ATP8B2: variants seen among roughly 807,000 people sequenced by gnomAD.
The protein encoded by ATP8B2 is phospholipid-transporting ATPase ID.
A neutral mutation model predicts 133.4 loss-of-function variants in ATP8B2; 70 were observed. The observed-to-expected ratio is 0.52, with a 90% CI of 0.43 to 0.64. ATP8B2 has a LOEUF of 0.64. Ranked by LOEUF, ATP8B2 falls within the 30% of genes least tolerant of loss-of-function variation. ATP8B2 has a pLI of 0.00. For missense variants in ATP8B2, 1,101 were observed against 1,535.7 expected (o/e 0.72, Z 4.73); for synonymous variants, 517 against 589.5 (o/e 0.88, Z 1.78).
chr1:154,348,662 C>G, intron 27 of ATP8B2, 124 bp downstream of exon 27: 1 of 1,443,342 alleles, frequency 6.9e-7, no homozygotes, highest in South Asian at 1.3e-5. Context: ...ATCTGTTCTT[C>G]CTGGGGACAG....
rs1453577339 is a variant in ATP8B2 at position 154,340,908 on chromosome 1, G to A, written c.1089G>A (p.Met363Ile). Residue 363 changes from methionine to isoleucine, a missense_variant, in exon 13 of 28, where the codon ATG becomes ATA. Coordinates refer to ENST00000368489, the MANE Select transcript of ATP8B2 (RefSeq NM_001370597.1). The surrounding 1 kb of genome is among the most constrained non-coding windows in gnomAD (Gnocchi z 4.0). ...ACTTCATCAACTGGGATAAGAAGAT[G>A]TTCTGCATGAAGAAGCGGACGCCTG... ...HSYFINWDKKMFCMKKRTPAE... is the reference protein window; with the variant it reads ...HSYFINWDKKIFCMKKRTPAE... The A allele has an allele frequency of 6.2e-7, 1 of 1,614,084 alleles. No homozygotes were observed. The highest frequency in any genetic ancestry group is 8.5e-7 in the Non-Finnish European group (1 of 1,180,044).
Position 154,328,123 on chromosome 1 carries a change from T to G in ATP8B2, c.-19T>G. On this transcript the variant is annotated 5_prime_UTR_variant, in exon 2 of 28. Coordinates refer to ENST00000368489, the MANE Select transcript of ATP8B2 (RefSeq NM_001370597.1). This position sits in a 1 kb window ranked among gnomAD's most constrained non-coding sequence, Gnocchi z 4.6. ...CTTGCAGGGTCTCCCATGGGATTGC[T>G]GGGATCTTGCTGGGTGAGATGGCAG... 6.2e-7 allele frequency: 1 copy of G among 1,614,124 alleles called. No homozygotes were observed.
chr1:154,348,612 G>A, intron 27 of ATP8B2, 74 bp downstream of exon 27: 2 of 1,564,456 alleles, frequency 1.3e-6, no homozygotes, highest in Non-Finnish European at 1.7e-6. Flanking sequence ...ACACTGGGGG[G>A]CTCTGTGGGG....
At chr1:154,327,553 A>T (rs1275661770) in intron 1 of ATP8B2, among the ~76,000 whole-genome samples, 1 of 152,108 alleles carries the variant, frequency 6.6e-6, no homozygotes, top group Non-Finnish European at 1.5e-5. Context: ...AGTGAGGGCC[A>T]TGCCTCTAAT....
In ATP8B2 at chr1:154,328,444, C is replaced by T. The variant is rs1685864972; in HGVS notation, c.31+272C>T. ...GCACCTGCAGCTCCTGCTTTCTGGC[C>T]TAGGGAGCTGTGTTCTCATCTCTGC... is the stretch of plus-strand genomic sequence containing the variant. On this transcript the variant is annotated intron_variant, in intron 2 of 27. Coordinates refer to ENST00000368489, the MANE Select transcript of ATP8B2 (RefSeq NM_001370597.1). This position sits in a 1 kb window ranked among gnomAD's most constrained non-coding sequence, Gnocchi z 4.6. Among the ~76,000 whole-genome samples the T allele has an allele frequency of 1.3e-5, 2 of 152,192 alleles. No individual in the cohort carries two copies. Among genetic ancestry groups the T allele is most frequent in the South Asian group, 4.1e-4 (2 of 4,830 alleles).
In ATP8B2 at chr1:154,345,711, G is replaced by A; in HGVS notation, c.2695-89G>A. 1 of 1,391,248 alleles carries A rather than the reference G, an allele frequency of 7.2e-7. No homozygotes were observed. Among genetic ancestry groups the A allele is most frequent in the South Asian group, 1.2e-5 (1 of 83,782 alleles). 86.2% of individuals were successfully genotyped at this position (1,391,248 alleles called of 1,614,324 possible). A position where few individuals can be genotyped will look rare whatever the true frequency, so the allele number is the denominator to read the frequency against. On this transcript the variant is annotated intron_variant, in intron 23 of 27. Coordinates refer to ENST00000368489, the MANE Select transcript of ATP8B2 (RefSeq NM_001370597.1). The surrounding 1 kb of genome is among the most constrained non-coding windows in gnomAD (Gnocchi z 5.6). ...AAGGAGCCTCAGAAAATTTCTTAGG[G>A]TTCTCTGTATGTGACATCAGCTGTC...
chr1:154,327,749 A>C, intron 1 of ATP8B2: 4 of 1,562,746 alleles, frequency 2.6e-6, no homozygotes, highest in African/African-American at 1.4e-5. Flanking sequence ...TAGTAAGCAC[A>C]AGCACTACTC....
chr1:154,345,181 G>A lies in ATP8B2; in HGVS notation c.2470+27G>A. On this transcript the variant is annotated intron_variant, in intron 22 of 27. Transcript: ENST00000368489. The surrounding 1 kb of genome is among the most constrained non-coding windows in gnomAD (Gnocchi z 5.6). ...TGAGTGTGGGCTGTGCAGGTGTGTA[G>A]GCTGGGCTTGAGGCTGGGGAGGGGC... 1.2e-6 allele frequency: 2 copies of A among 1,607,336 alleles called. No homozygotes were observed. Among genetic ancestry groups the A allele is most frequent in the South Asian group, 1.1e-5 (1 of 90,428 alleles).
intron 14 of ATP8B2, 75 bp downstream of exon 14, chr1:154,342,598 A>G: frequency 6.6e-7 from 1 of 1,518,660 alleles, no homozygotes; most frequent in African/African-American, 1.4e-5. Flanking sequence ...GTCAGGAGTG[A>G]TGTGTTGTCT....
rs1366357349 is a variant in ATP8B2, at chr1:154,331,960, C to G, written c.445C>G (p.Leu149Val). ...CATTAGTTTTTCTCTCTAGGCGGAT[C>G]TCCTCCTCCTTTCCAGCAGTGAGCC... ...LENNQFVAAD[L>V]LLLSSSEPHG... The change falls in exon 8 of 28, where the codon CTC becomes GTC. Residue 149 changes from leucine to valine, a missense_variant. Physicochemically the swap from Leu to Val is conservative, Grantham distance 32 (BLOSUM62 1). Coordinates refer to ENST00000368489, the MANE Select transcript of ATP8B2 (RefSeq NM_001370597.1). This position sits in a 1 kb window ranked among gnomAD's most constrained non-coding sequence, Gnocchi z 4.8. The G allele has an allele frequency of 6.2e-7, 1 of 1,613,896 alleles. No homozygotes were observed. Among genetic ancestry groups the G allele is most frequent in the Admixed American group, 1.7e-5 (1 of 60,026 alleles).
At chr1:154,348,805 G>T (rs185298684) in intron 27 of ATP8B2, 35 bp from the exon 28 acceptor site, 1 of 1,542,570 alleles carries the variant, frequency 6.5e-7, no homozygotes, top group South Asian at 1.2e-5. Flanking sequence ...ACACCTCCAC[G>T]CTGACAGAGG....
intron 1 of ATP8B2, among the ~76,000 whole-genome samples, chr1:154,327,046 G>C (rs1317356965): frequency 2.0e-5 from 3 of 152,226 alleles, no homozygotes; most frequent in Non-Finnish European, 4.4e-5. Flanking sequence ...TGTAAGGGCG[G>C]GATCTGAGCT....
chr1:154,331,833 C>G lies in ATP8B2; in HGVS notation c.439-121C>G. 1 of 1,309,592 alleles carries G rather than the reference C, an allele frequency of 7.6e-7. No homozygotes were observed. Among genetic ancestry groups the G allele is most frequent in the South Asian group, 1.2e-5 (1 of 82,992 alleles). 81.1% of individuals were successfully genotyped at this position (1,309,592 alleles called of 1,614,324 possible). On this transcript the variant is annotated intron_variant, in intron 7 of 27. Coordinates refer to ENST00000368489, the MANE Select transcript of ATP8B2 (RefSeq NM_001370597.1). The surrounding 1 kb of genome is among the most constrained non-coding windows in gnomAD (Gnocchi z 4.8). Reference sequence around the variant, plus strand: ...CTGTGTCATGCTGATATGCCTGGAACTAGCCATTTATGCACCTGGAACTAA... The same window carrying G: ...CTGTGTCATGCTGATATGCCTGGAAGTAGCCATTTATGCACCTGGAACTAA...
rs1225353833 is a variant in ATP8B2, at chr1:154,345,046, C to T, written c.2362C>T (p.Arg788Trp). The change falls in exon 22 of 28, where the codon CGG becomes TGG. Residue 788 changes from arginine (R) to tryptophan (W), a missense_variant. Transcript: ENST00000368489. This position sits in a 1 kb window ranked among gnomAD's most constrained non-coding sequence, Gnocchi z 5.6. ...ACACKAVICC[R>W]VTPLQKAQVV... ...TGCCTGCAAAGCTGTCATCTGCTGC[C>T]GGGTGACCCCCTTGCAGAAGGCACA... is the stretch of plus-strand genomic sequence containing the variant. The T allele has an allele frequency of 6.2e-6, 10 of 1,614,148 alleles. No homozygotes were observed. Among genetic ancestry groups the T allele is most frequent in the South Asian group, 4.4e-5 (4 of 91,086 alleles).
At position 154,337,342 on chromosome 1, in the gene ATP8B2, C is replaced by A; in HGVS notation, c.838-6C>A. ...AGCCTCGCCTGTGCTTCTCATTCCTCCCCAGATTTTTGGATTCCTGGTTTG... is the reference window on the plus strand; with the variant it reads ...AGCCTCGCCTGTGCTTCTCATTCCTACCCAGATTTTTGGATTCCTGGTTTG... On this transcript the variant is annotated splice_region_variant and splice_polypyrimidine_tract_variant and intron_variant, in intron 11 of 27. Transcript: ENST00000368489. The A allele has an allele frequency of 6.2e-7, 1 of 1,609,372 alleles. No homozygotes were observed. Among genetic ancestry groups the A allele is most frequent in the Non-Finnish European group, 8.5e-7 (1 of 1,176,846 alleles).
Position 154,334,845 on chromosome 1 carries a change from G to C in ATP8B2, c.837+254G>C, listed in dbSNP as rs1686120393. On this transcript the variant is annotated intron_variant, in intron 11 of 27. Transcript: ENST00000368489. This position sits in a 1 kb window ranked among gnomAD's most constrained non-coding sequence, Gnocchi z 4.6. ...TCATCCCTTCTCTGATTCCAGTTATGATGATGACTTTGTGAAGCATGTGAC... is the reference window on the plus strand; with the variant it reads ...TCATCCCTTCTCTGATTCCAGTTATCATGATGACTTTGTGAAGCATGTGAC... Among the ~76,000 whole-genome samples, 1 of 152,128 alleles carries C rather than the reference G, an allele frequency of 6.6e-6. No individual in the cohort carries two copies. Among genetic ancestry groups the C allele is most frequent in the South Asian group, 2.1e-4 (1 of 4,826 alleles).
rs1685882279 is a variant in ATP8B2 at position 154,328,815 on chromosome 1, GAGCGCC to G, written c.31+644_31+649del. ...GCGCAGCTGAGCTCGCGGTGTCCCC[GAGCGCC>G]GGCGGCCGGGAGGATGGCCTGGGCT... On this transcript the variant is annotated intron_variant, in intron 2 of 27. Transcript: ENST00000368489. This position sits in a 1 kb window ranked among gnomAD's most constrained non-coding sequence, Gnocchi z 4.6. 9.7e-7 allele frequency: 1 copy of G among 1,034,552 alleles called. No homozygotes were observed. The highest frequency in any genetic ancestry group is 3.2e-5 in the South Asian group (1 of 30,800). 64.1% of individuals were successfully genotyped at this position (1,034,552 alleles called of 1,614,324 possible).
intron 3 of ATP8B2, 167 bp downstream of exon 3, chr1:154,330,621 T>C (rs1685954284): frequency 8.9e-6 from 7 of 790,352 alleles, no homozygotes; most frequent in South Asian, 1.7e-5. Context: ...TTTCATGCCT[T>C]CACCTGTCAG....
chr1:154,337,630 A>C lies in ATP8B2; in HGVS notation c.1034+86A>C. ...CTTTTCTATGAAGATGAAGTCCTTG[A>C]GAAGTAACGAGAAGTCCTCTTCTTC... On this transcript the variant is annotated intron_variant, in intron 12 of 27. Transcript: ENST00000368489. 1.9e-6 allele frequency: 3 copies of C among 1,613,758 alleles called. No homozygotes were observed. In the South Asian group the frequency reaches 3.3e-5, roughly 18 times the overall value.
Sources: allele counts gnomAD v4.1 joint callset (sites outside exome capture counted in the v4.1 genomes callset), GRCh38; gene constraint gnomAD v4.1.1; non-coding constraint Gnocchi (gnomAD v3.1); transcripts MANE v1.5; gene names NCBI Gene and HGNC (gene_info 2026-07-23, HGNC 2026-07-21).